Variants in PLCG1 observed in about 807,000 individuals in gnomAD.
PLCG1 encodes the protein 1-phosphatidylinositol 4,5-bisphosphate phosphodiesterase gamma-1.
PLCG1 carries 71 observed loss-of-function variants against 177.8 expected under a neutral mutation model. The ratio of observed to expected loss-of-function variants is 0.40; its 90% CI spans 0.33 to 0.49. PLCG1 has a LOEUF of 0.49. PLCG1 is among the 20% of genes least tolerant of loss of function. The pLI is 0.72. For synonymous variants in PLCG1, 658 were observed against 647.9 expected, an observed-to-expected ratio of 1.02 and a Z score of -0.24; for missense variants, 1,281 against 1,709.0, an observed-to-expected ratio of 0.75 and a Z score of 4.42.
In PLCG1 at chr20:41,169,489, G is replaced by A; in HGVS notation, c.2613G>A (p.Leu871=). 6.2e-7 allele frequency: 1 copy of A among 1,613,796 alleles called. No individual in the cohort carries two copies. The highest frequency in any genetic ancestry group is 1.1e-5 in the South Asian group (1 of 91,074). ...HLDENSPLGD[L]LRGVLDVPAC... ...ACGAGAACAGCCCCCTAGGGGACTT[G>A]CTGCGGGGGGTCTTGGATGTGCCGG... is the stretch of plus-strand genomic sequence containing the variant. Residue 871 remains leucine (L), a synonymous_variant, in exon 23 of 32, where the codon TTG becomes TTA. Coordinates refer to ENST00000685551, the MANE Select transcript of PLCG1 (RefSeq NM_002660.3).
In PLCG1 at chr20:41,164,684, C is replaced by T. The variant is rs2035622869; in HGVS notation, c.1218-249C>T. Among the ~76,000 whole-genome samples, 2 of 152,190 alleles carry T rather than the reference C, an allele frequency of 1.3e-5. No homozygotes were observed. The highest frequency in any genetic ancestry group is 6.5e-5 in the Admixed American group (1 of 15,288). ...TTTGGTGTGAAACATTTTTCTTGCA[C>T]TGCTGAGCAGCCTCCATAATTGGGC... On this transcript the variant is annotated intron_variant, in intron 12 of 31. Transcript: ENST00000685551. This position sits in a 1 kb window ranked among gnomAD's most constrained non-coding sequence, Gnocchi z 6.4.
chr20:41,169,828 A>AC (rs1214968998), intron 23 of PLCG1, among the ~76,000 whole-genome samples: 1 of 152,198 alleles, frequency 6.6e-6, no homozygotes, highest in Non-Finnish European at 1.5e-5. Context: ...CAGGGATGTG[A>AC]CAGAGGCTTG....
intron 24 of PLCG1, among the ~76,000 whole-genome samples, chr20:41,171,586 CAAA>C (rs71844995): frequency 3.3e-4 from 21 of 64,102 alleles, no homozygotes; most frequent in South Asian, 1.6e-3. Context: ...GACTCTGTCT[CAAA>C]AAAAAAAAAA....
chr20:41,166,574 A>T lies in PLCG1; in HGVS notation c.2099A>T (p.Asn700Ile), dbSNP rs1373660743. 1.9e-6 allele frequency: 3 copies of T among 1,614,028 alleles called. No individual in the cohort carries two copies. The highest frequency in any genetic ancestry group is 1.1e-5 in the South Asian group (1 of 91,084). Residue 700 changes from asparagine to isoleucine, a missense_variant, in exon 18 of 32, where the codon AAC (asparagine) becomes ATC (isoleucine). Asn to Ile is a moderately radical substitution (Grantham distance 149, BLOSUM62 -3). Transcript: ENST00000685551. This position sits in a 1 kb window ranked among gnomAD's most constrained non-coding sequence, Gnocchi z 8.6. Reference protein sequence around the residue: ...AFLVRKRNEPNSYAISFRAEG... With the variant: ...AFLVRKRNEPISYAISFRAEG... ...CTGGTGCGGAAGCGGAATGAACCCA[A>T]CTCATATGCCATCTCTTTCCGGTGA...
rs765983357 is a variant in PLCG1, at chr20:41,163,015, G to A, written c.716+23G>A. 3.5e-5 allele frequency: 56 copies of A among 1,612,326 alleles called. No individual in the cohort carries two copies. The highest frequency in any genetic ancestry group is 4.8e-5 in the Non-Finnish European group (56 of 1,178,508). ...GAGGTTTGGTTTGGAGTGGGGAGGT[G>A]GGGTTTTCCCTGGGCCCCCTTCATC... is the stretch of plus-strand genomic sequence containing the variant. On this transcript the variant is annotated intron_variant, in intron 7 of 31. Coordinates refer to ENST00000685551, the MANE Select transcript of PLCG1 (RefSeq NM_002660.3). The surrounding 1 kb of genome is among the most constrained non-coding windows in gnomAD (Gnocchi z 5.2).
chr20:41,144,997 A>T lies in PLCG1; in HGVS notation c.217+7139A>T, dbSNP rs1280094649. Among the ~76,000 whole-genome samples the T allele has an allele frequency of 6.6e-6, 1 of 152,176 alleles. No individual in the cohort carries two copies. Among genetic ancestry groups the T allele is most frequent in the Non-Finnish European group, 1.5e-5 (1 of 68,036 alleles). Reference sequence around the variant, plus strand: ...ACTGTGGAGACCAGTAGTGGACATAAGGTTAGGGTAGATACAGCCAGAAAG... The same window carrying T: ...ACTGTGGAGACCAGTAGTGGACATATGGTTAGGGTAGATACAGCCAGAAAG... On this transcript the variant is annotated intron_variant, in intron 1 of 31. Coordinates refer to ENST00000685551, the MANE Select transcript of PLCG1 (RefSeq NM_002660.3). This position sits in a 1 kb window ranked among gnomAD's most constrained non-coding sequence, Gnocchi z 4.1.
rs1439259093 is a variant in PLCG1 at position 41,165,273 on chromosome 20, A to T, written c.1415A>T (p.Tyr472Phe). 1 of 1,614,140 alleles carries T rather than the reference A, an allele frequency of 6.2e-7. No individual in the cohort carries two copies. The highest frequency in any genetic ancestry group is 8.5e-7 in the Non-Finnish European group (1 of 1,180,010). ...AAGAAGCTGGCTGAGGGCAGTGCCT[A>T]CGAGGAGGTGCCTACATCCATGATG... is the stretch of plus-strand genomic sequence containing the variant. ...KHKKLAEGSA[Y>F]EEVPTSMMYS... Residue 472 changes from tyrosine to phenylalanine, a missense_variant, in exon 14 of 32, where the codon TAC becomes TTC. Transcript: ENST00000685551. This position sits in a 1 kb window ranked among gnomAD's most constrained non-coding sequence, Gnocchi z 6.6.
intron 1 of PLCG1, among the ~76,000 whole-genome samples, chr20:41,152,810 A>G (rs1378134731): frequency 6.6e-6 from 1 of 152,258 alleles, no homozygotes; most frequent in East Asian, 1.9e-4. Flanking sequence ...ACAAGTGGTG[A>G]CACACAAGAG....
chr20:41,140,031 A>ATT (rs2034769258), intron 1 of PLCG1, among the ~76,000 whole-genome samples: 1 of 152,162 alleles, frequency 6.6e-6, no homozygotes, highest in African/African-American at 2.4e-5. Flanking sequence ...AGAGGGGATG[A>ATT]TTTATCATGC....
rs1208101635 is a variant in PLCG1, at chr20:41,137,614, T to TGCC, written c.-18_-16dup. The stretch of plus-strand genomic sequence containing the variant: ...CTTGCTCCCGGGCGGTCCTGGCCTG[T>TGCC]GCCGCCGCCGCCCCCAGCGTCGGAG... On this transcript the variant is annotated 5_prime_UTR_variant, in exon 1 of 32. Coordinates refer to ENST00000685551, the MANE Select transcript of PLCG1 (RefSeq NM_002660.3). The surrounding 1 kb of genome is among the most constrained non-coding windows in gnomAD (Gnocchi z 7.3). 6.4e-5 allele frequency: 83 copies of TGCC among 1,303,064 alleles called. No individual in the cohort carries two copies. Among genetic ancestry groups the TGCC allele is most frequent in the Non-Finnish European group, 7.8e-5 (80 of 1,021,172 alleles). 80.7% of individuals were successfully genotyped at this position (1,303,064 alleles called of 1,614,324 possible).
At position 41,165,981 on chromosome 20, in the gene PLCG1, C is replaced by A; in HGVS notation, c.1799+155C>A. ...TTTCACCTACATACACACACACACT[C>A]TCTGTCTCACCCCCCCCCCATACCC... On this transcript the variant is annotated intron_variant, in intron 16 of 31. Coordinates refer to ENST00000685551, the MANE Select transcript of PLCG1 (RefSeq NM_002660.3). This position sits in a 1 kb window ranked among gnomAD's most constrained non-coding sequence, Gnocchi z 6.6. 1 of 710,174 alleles carries A rather than the reference C, an allele frequency of 1.4e-6. No homozygotes were observed. The highest frequency in any genetic ancestry group is 2.3e-6 in the Non-Finnish European group (1 of 436,620). 44.0% of individuals were successfully genotyped at this position (710,174 alleles called of 1,614,324 possible). A position where few individuals can be genotyped will look rare whatever the true frequency, so the allele number is the denominator to read the frequency against.
rs757546917 is a variant in PLCG1 at position 41,165,083 on chromosome 20, G to C, written c.1368G>C (p.Lys456Asn). Reference sequence around the variant, plus strand: ...GGCTCCCCTCACCCAACCAGCTTAAGAGGAAGATCCTCATCAAGGTGGGGT... The same window carrying C: ...GGCTCCCCTCACCCAACCAGCTTAACAGGAAGATCCTCATCAAGGTGGGGT... Reference protein sequence around the residue: ...ADGLPSPNQLKRKILIKHKKL... With the variant: ...ADGLPSPNQLNRKILIKHKKL... The change falls in exon 13 of 32, where the codon AAG becomes AAC. Residue 456 changes from lysine to asparagine, a missense_variant. Coordinates refer to ENST00000685551, the MANE Select transcript of PLCG1 (RefSeq NM_002660.3). This position sits in a 1 kb window ranked among gnomAD's most constrained non-coding sequence, Gnocchi z 6.6. 1 of 1,613,526 alleles carries C rather than the reference G, an allele frequency of 6.2e-7. No individual in the cohort carries two copies. The highest frequency in any genetic ancestry group is 8.5e-7 in the Non-Finnish European group (1 of 1,179,674).
chr20:41,152,771 A>G (rs2035204333), intron 1 of PLCG1, among the ~76,000 whole-genome samples: 1 of 152,280 alleles, frequency 6.6e-6, no homozygotes, highest in African/African-American at 2.4e-5. Flanking sequence ...CCAGTGGCCT[A>G]AGACACCAGG....
chr20:41,174,088 G>A lies in PLCG1; in HGVS notation c.3646-36G>A. ...CAGCAGCCTCTAGAAGTGCAGAGGA[G>A]TCATTGACCCTCTTGTGCACCTGGC... is the stretch of plus-strand genomic sequence containing the variant. On this transcript the variant is annotated intron_variant, in intron 30 of 31. Transcript: ENST00000685551. This position sits in a 1 kb window ranked among gnomAD's most constrained non-coding sequence, Gnocchi z 5.8. The A allele has an allele frequency of 6.2e-7, 1 of 1,609,430 alleles. No homozygotes were observed. Among genetic ancestry groups the A allele is most frequent in the Non-Finnish European group, 8.5e-7 (1 of 1,175,944 alleles).
Position 41,167,427 on chromosome 20 carries a change from T to G in PLCG1, c.2302-425T>G, listed in dbSNP as rs33947984. 0.047 allele frequency among the ~76,000 whole-genome samples: 7,200 copies of G among 152,152 alleles called. 245 individuals carry two copies. The highest frequency in any genetic ancestry group is 0.1 in the South Asian group (493 of 4,820). Reference sequence around the variant, plus strand: ...GGGGAGAGAGAGGCCTGTTGTCCACTGGCACCTGGGACTCAAGTGATGGAG... The same window carrying G: ...GGGGAGAGAGAGGCCTGTTGTCCACGGGCACCTGGGACTCAAGTGATGGAG... On this transcript the variant is annotated intron_variant, in intron 19 of 31. Coordinates refer to ENST00000685551, the MANE Select transcript of PLCG1 (RefSeq NM_002660.3). The surrounding 1 kb of genome is among the most constrained non-coding windows in gnomAD (Gnocchi z 4.4).
rs200174216 is a variant in PLCG1, at chr20:41,145,534, C to T, written c.217+7676C>T. On this transcript the variant is annotated intron_variant, in intron 1 of 31. Transcript: ENST00000685551. ...CTACTTGAGCTGCCTGCTGAGCCTA[C>T]TCTGTTGTGGCCACAGTATCCTCCT... 1.3e-3 allele frequency among the ~76,000 whole-genome samples: 192 copies of T among 152,296 alleles called. 1 individual carries two copies. The highest frequency in any genetic ancestry group is 4.4e-3 in the African/African-American group (184 of 41,546).
At chr20:41,169,648 C>T (rs2035829687) in intron 23 of PLCG1, 122 bp downstream of exon 23, 1 of 763,908 alleles carries the variant, frequency 1.3e-6, no homozygotes, top group South Asian at 1.6e-5. Context: ...TCACTCCAAG[C>T]TCTCCCCATG....
chr20:41,160,176 A>G lies in PLCG1; in HGVS notation c.512+23A>G, dbSNP rs36009528. ...TCGGTAAGTACTGAGCTGTGGCTGT[A>G]GCCCAGCAGGGTGGGGATGGGCATC... On this transcript the variant is annotated intron_variant, in intron 4 of 31. Transcript: ENST00000685551. The surrounding 1 kb of genome is among the most constrained non-coding windows in gnomAD (Gnocchi z 5.5). 1.5e-3 allele frequency: 2,357 copies of G among 1,610,348 alleles called. 24 individuals carry two copies. In the African/African-American group the frequency reaches 0.028, roughly 19 times the overall value.
chr20:41,168,616 A>G (rs2035783438), intron 20 of PLCG1, 151 bp from the exon 21 acceptor site: 10 of 604,564 alleles, frequency 1.7e-5, no homozygotes, highest in South Asian at 9.2e-5. Flanking sequence ...AACAAGAACT[A>G]TAACTAGGGC....
Sources: allele counts gnomAD v4.1 joint callset (sites outside exome capture counted in the v4.1 genomes callset), GRCh38; gene constraint gnomAD v4.1.1; non-coding constraint Gnocchi (gnomAD v3.1); transcripts MANE v1.5; gene names NCBI Gene and HGNC (gene_info 2026-07-23, HGNC 2026-07-21).